Variants in FUT9 observed in about 807,000 individuals in gnomAD.
FUT9 encodes 4-galactosyl-N-acetylglucosaminide 3-alpha-L-fucosyltransferase 9.
A neutral mutation model predicts 29.7 loss-of-function variants in FUT9; 15 were observed. The observed-to-expected ratio is 0.51, with a 90% CI of 0.34 to 0.78. The LOEUF (loss-of-function observed/expected upper bound fraction) is 0.78, where lower values mean the gene tolerates loss of function less well. FUT9 is among the 30% of genes least tolerant of loss of function. The pLI is 0.01. For synonymous variants in FUT9, 169 were observed against 153.7 expected (o/e 1.10, Z -0.74); for missense variants, 319 against 425.4 (o/e 0.75, Z 2.20).
rs942742027 is a variant in FUT9 at position 96,214,065 on chromosome 6, C to A, written c.*9830C>A. 1 of 166,934 alleles carries A rather than the reference C, an allele frequency of 6.0e-6. No homozygotes were observed. The highest frequency in any genetic ancestry group is 1.5e-5 in the Non-Finnish European group (1 of 68,046). 10.3% of individuals were successfully genotyped at this position (166,934 alleles called of 1,614,324 possible). A position where few individuals can be genotyped will look rare whatever the true frequency, so the allele number is the denominator to read the frequency against. On this transcript the variant is annotated 3_prime_UTR_variant, in exon 3 of 3. Transcript: ENST00000302103. ...TTCATAGTGCTAATGAGCCAATAAACAATGCTGCGTTTCTTTTTTCTAACT... is the reference window on the plus strand; with the variant it reads ...TTCATAGTGCTAATGAGCCAATAAAAAATGCTGCGTTTCTTTTTTCTAACT...
intron 1 of FUT9, among the ~76,000 whole-genome samples, chr6:96,036,045 G>A (rs1770359774): frequency 8.0e-6 from 1 of 125,408 alleles, no homozygotes; most frequent in African/African-American, 3.0e-5. Context: ...AATACATTAT[G>A]TTTATTATAT....
intron 2 of FUT9, among the ~76,000 whole-genome samples, chr6:96,181,700 T>C (rs1298348123): frequency 6.6e-6 from 1 of 152,078 alleles, no homozygotes; most frequent in East Asian, 1.9e-4. Context: ...ACTCCTGAGT[T>C]ACTTCACTAA....
At chr6:96,069,761 A>G (rs1457841292) in intron 1 of FUT9, among the ~76,000 whole-genome samples, 1 of 151,848 alleles carries the variant, frequency 6.6e-6, no homozygotes, top group Non-Finnish European at 1.5e-5. Flanking sequence ...CCTCCCTAGT[A>G]GCCGAACTAC....
intron 2 of FUT9, among the ~76,000 whole-genome samples, chr6:96,183,053 G>T (rs1391341983): frequency 6.6e-6 from 1 of 152,006 alleles, no homozygotes; most frequent in African/African-American, 2.4e-5. Context: ...TCACAATATT[G>T]ATTCTACCCA....
intron 2 of FUT9, among the ~76,000 whole-genome samples, chr6:96,116,839 G>A (rs1771920233): frequency 6.6e-6 from 1 of 152,088 alleles, no homozygotes; most frequent in East Asian, 1.9e-4. Flanking sequence ...GATTACATGA[G>A]GAAATTTTAA....
chr6:96,181,620 T>C (rs1287453348), intron 2 of FUT9, among the ~76,000 whole-genome samples: 8 of 151,884 alleles, frequency 5.3e-5, no homozygotes, highest in African/African-American at 1.9e-4. Flanking sequence ...CATTGTGTCA[T>C]TCATATGCCT....
At chr6:96,042,133 G>A (rs1036292208) in intron 1 of FUT9, among the ~76,000 whole-genome samples, 1 of 152,164 alleles carries the variant, frequency 6.6e-6, no homozygotes, top group African/African-American at 2.4e-5. Context: ...AGGTCAGTGA[G>A]AACTGGATGC....
chr6:96,022,183 C>A (rs1277788671), intron 1 of FUT9, among the ~76,000 whole-genome samples: 1 of 151,978 alleles, frequency 6.6e-6, no homozygotes, highest in African/African-American at 2.4e-5. Context: ...ACTGCCCTGA[C>A]CTGTAGAGAG....
chr6:96,121,558 T>G (rs1041776717), intron 2 of FUT9, among the ~76,000 whole-genome samples: 5 of 152,154 alleles, frequency 3.3e-5, no homozygotes, highest in African/African-American at 1.2e-4. Flanking sequence ...CCATGCATAT[T>G]AACCCCGTGG....
At chr6:96,105,176 T>C (rs1771655356) in intron 1 of FUT9, among the ~76,000 whole-genome samples, 1 of 152,242 alleles carries the variant, frequency 6.6e-6, no homozygotes, top group Admixed American at 6.5e-5. Flanking sequence ...ATGCATTTCT[T>C]TGTATGCAGT....
intron 1 of FUT9, among the ~76,000 whole-genome samples, chr6:96,022,646 T>C (rs1325081): frequency 0.36 from 54,111 of 151,658 alleles, 10,282 homozygotes; most frequent in Non-Finnish European, 0.43. Context: ...GAGATGGCAC[T>C]GGAGAGCTGG....
chr6:96,078,294 G>T (rs997178133), intron 1 of FUT9, among the ~76,000 whole-genome samples: 56 of 149,146 alleles, frequency 3.8e-4, no homozygotes, highest in Non-Finnish European at 7.8e-4. Context: ...ATATAATTCT[G>T]CTTTTGTTTC....
chr6:96,035,303 T>C (rs528147405), intron 1 of FUT9, among the ~76,000 whole-genome samples: 23 of 151,592 alleles, frequency 1.5e-4, no homozygotes, highest in African/African-American at 4.1e-4. Context: ...ATTACTATTA[T>C]TGGTATGACA....
rs1233576915 is a variant in FUT9 at position 96,211,947 on chromosome 6, A to C, written c.*7712A>C. The stretch of plus-strand genomic sequence containing the variant: ...GTGTAAGTAAAGTAAGTTAAGTTAT[A>C]GCTTGCTGGAATTTTATTGTGGAAA... On this transcript the variant is annotated 3_prime_UTR_variant, in exon 3 of 3. Coordinates refer to ENST00000302103, the MANE Select transcript of FUT9 (RefSeq NM_006581.4). 8 of 408,730 alleles carry C rather than the reference A, an allele frequency of 2.0e-5. No homozygotes were observed. Among genetic ancestry groups the C allele is most frequent in the Non-Finnish European group, 3.6e-5 (8 of 223,464 alleles). The allele number at this position is 408,730 out of a possible 1,614,324, so 25.3% of individuals were successfully genotyped here. A position where few individuals can be genotyped will look rare whatever the true frequency, so the allele number is the denominator to read the frequency against.
chr6:96,066,136 G>A (rs1399620310), intron 1 of FUT9, among the ~76,000 whole-genome samples: 3 of 151,994 alleles, frequency 2.0e-5, no homozygotes, highest in Non-Finnish European at 4.4e-5. Flanking sequence ...TGGTTATTGT[G>A]TTTATCCCAA....
At chr6:96,152,890 C>T (rs920180984) in intron 2 of FUT9, among the ~76,000 whole-genome samples, 6 of 152,134 alleles carry the variant, frequency 3.9e-5, no homozygotes, top group African/African-American at 1.2e-4. Flanking sequence ...ACATAAAAAG[C>T]GTTTGCATTC....
chr6:96,064,772 C>A (rs552835487), intron 1 of FUT9, among the ~76,000 whole-genome samples: 3 of 152,058 alleles, frequency 2.0e-5, no homozygotes, highest in Non-Finnish European at 4.4e-5. Context: ...CACACACACG[C>A]AAACACACAT....
chr6:96,131,061 G>A (rs1772234554), intron 2 of FUT9, among the ~76,000 whole-genome samples: 1 of 152,026 alleles, frequency 6.6e-6, no homozygotes, highest in South Asian at 2.1e-4. Context: ...TTATGTGCAG[G>A]ACCCACTACC....
At chr6:96,084,857 A>G (rs1771290301) in intron 1 of FUT9, among the ~76,000 whole-genome samples, 1 of 152,110 alleles carries the variant, frequency 6.6e-6, no homozygotes, top group Non-Finnish European at 1.5e-5. Flanking sequence ...ATCCCTGTTT[A>G]TATATATAAC....
Sources: allele counts gnomAD v4.1 joint callset (sites outside exome capture counted in the v4.1 genomes callset), GRCh38; gene constraint gnomAD v4.1.1; transcripts MANE v1.5; gene names NCBI Gene and HGNC (gene_info 2026-07-23, HGNC 2026-07-21).